SLC25A48: variants seen among roughly 807,000 people sequenced by gnomAD.
SLC25A48 encodes the protein CTC-321K16.1.
Under a neutral mutation model 32.2 loss-of-function variants are expected in SLC25A48, and 29 were observed. The observed-to-expected ratio is 0.90, with a 90% confidence interval of 0.67 to 1.23. The LOEUF is 1.23. Ranked by LOEUF, SLC25A48 falls within the 50% of genes most tolerant of loss-of-function variation. SLC25A48 has a pLI of 0.00. For missense variants in SLC25A48, 399 were observed against 422.7 expected (o/e 0.94, Z 0.49); for synonymous variants, 164 against 172.3 (o/e 0.95, Z 0.38).
chr5:135,767,103 T>TG (rs1296142464), intron 3 of SLC25A48, among the ~76,000 whole-genome samples: 2 of 139,298 alleles, frequency 1.4e-5, no homozygotes, highest in Non-Finnish European at 3.1e-5. Flanking sequence ...CTAATAGCGC[T>TG]GGGGGTGTAC....
intron 3 of SLC25A48, among the ~76,000 whole-genome samples, chr5:135,741,682 A>G (rs1398185789): frequency 1.3e-5 from 2 of 152,184 alleles, no homozygotes; most frequent in African/African-American, 4.8e-5. Context: ...TAGAGGTTGC[A>G]GTGAGTCCTG....
At chr5:135,619,957 G>T (rs1483330762) in intron 1 of SLC25A48, among the ~76,000 whole-genome samples, 1 of 152,164 alleles carries the variant, frequency 6.6e-6, no homozygotes, top group African/African-American at 2.4e-5. Flanking sequence ...GTCCAGGCAG[G>T]CCCATTCTTG....
chr5:135,795,395 G>A (rs562864764), intron 3 of SLC25A48, among the ~76,000 whole-genome samples: 15 of 151,648 alleles, frequency 9.9e-5, no homozygotes, highest in African/African-American at 2.7e-4. Context: ...TCCCAATAAC[G>A]CAGGGGGTGT....
chr5:135,876,343 T>A (rs557676792), intron 6 of SLC25A48: 2 of 152,124 alleles, frequency 1.3e-5, no homozygotes. Flanking sequence ...TGAAAATTAC[T>A]GTGCTCTTTT....
intron 3 of SLC25A48, among the ~76,000 whole-genome samples, chr5:135,758,599 TAAC>T (rs1561478978): frequency 1.3e-5 from 2 of 150,736 alleles, no homozygotes; most frequent in Admixed American, 6.6e-5. Flanking sequence ...TATCTAGTGT[TAAC>T]ACACTATTAT....
intron 3 of SLC25A48, among the ~76,000 whole-genome samples, chr5:135,760,709 T>C (rs887069818): frequency 1.3e-5 from 2 of 152,182 alleles, no homozygotes; most frequent in Non-Finnish European, 2.9e-5. Flanking sequence ...TGTCGGCCAC[T>C]TGGGGCTTTT....
rs189003599 is a variant in SLC25A48 at position 135,641,527 on chromosome 5, G to A, written c.-521+6571G>A. ...TGAAGAACAACATAGGCTCCCAGAG[G>A]GTACTGGAACTCTTGCTTACATAGT... On this transcript the variant is annotated intron_variant, in intron 3 of 10. Coordinates refer to the SLC25A48 transcript ENST00000646290. Among the ~76,000 whole-genome samples, 340 of 152,176 alleles carry A rather than the reference G, an allele frequency of 2.2e-3. 3 individuals carry two copies. The highest frequency in any genetic ancestry group is 7.9e-3 in the African/African-American group (326 of 41,514).
intron 3 of SLC25A48, among the ~76,000 whole-genome samples, chr5:135,643,754 C>T (rs1213966999): frequency 1.3e-5 from 2 of 152,186 alleles, no homozygotes; most frequent in African/African-American, 2.4e-5. Context: ...CCCGTTAACT[C>T]GCACAAGTTC....
chr5:135,785,405 G>C, intron 3 of SLC25A48, among the ~76,000 whole-genome samples: 1 of 151,606 alleles, frequency 6.6e-6, no homozygotes, highest in East Asian at 2.0e-4. Context: ...AATATCCAGT[G>C]GGGGAAAGGG....
At chr5:135,767,770 C>A (rs1319184235) in intron 3 of SLC25A48, among the ~76,000 whole-genome samples, 2 of 151,148 alleles carry the variant, frequency 1.3e-5, no homozygotes, top group Non-Finnish European at 3.0e-5. Flanking sequence ...ATCGTAAACA[C>A]CCTGTGTGTA....
chr5:135,803,160 A>C (rs906814539), intron 3 of SLC25A48: 9 of 151,382 alleles, frequency 5.9e-5, no homozygotes, highest in Non-Finnish European at 1.2e-4. Flanking sequence ...TGTTATTCAT[A>C]ATATTCTAGG....
chr5:135,869,400 G>A (rs113875897), intron 4 of SLC25A48, among the ~76,000 whole-genome samples: 26 of 152,282 alleles, frequency 1.7e-4, no homozygotes, highest in African/African-American at 6.3e-4. Flanking sequence ...TTTCCTTATT[G>A]CTTACTCCGC....
intron 6 of SLC25A48, among the ~76,000 whole-genome samples, chr5:135,878,319 C>T (rs1762201216): frequency 6.6e-6 from 1 of 152,184 alleles, no homozygotes; most frequent in Admixed American, 6.5e-5. Context: ...CCCAGACCCA[C>T]AGGGGAACCT....
At chr5:135,682,989 G>A (rs1328450765) in intron 3 of SLC25A48, among the ~76,000 whole-genome samples, 1 of 152,114 alleles carries the variant, frequency 6.6e-6, no homozygotes, top group Non-Finnish European at 1.5e-5. Flanking sequence ...GGGTAGAAGG[G>A]ATTAATGTCA....
intron 3 of SLC25A48, among the ~76,000 whole-genome samples, chr5:135,766,327 C>T (rs1279329627): frequency 7.0e-6 from 1 of 143,662 alleles, no homozygotes; most frequent in Non-Finnish European, 1.5e-5. Context: ...TGGTGTACAC[C>T]CCCCTGTAAT....
intron 7 of SLC25A48, among the ~76,000 whole-genome samples, chr5:135,882,164 G>T (rs536015340): frequency 6.6e-6 from 1 of 152,370 alleles, no homozygotes; most frequent in South Asian, 2.1e-4. Context: ...CCTTAGGAGG[G>T]AGGACTGCTA....
intron 1 of SLC25A48, among the ~76,000 whole-genome samples, chr5:135,607,811 G>C (rs17168737): frequency 0.41 from 61,972 of 151,948 alleles, 12,922 homozygotes; most frequent in African/African-American, 0.51. Flanking sequence ...TGTAAATCAG[G>C]ACTCACCAAC....
chr5:135,644,591 C>T (rs1048475140), intron 3 of SLC25A48, among the ~76,000 whole-genome samples: 5 of 152,104 alleles, frequency 3.3e-5, no homozygotes, highest in African/African-American at 9.7e-5. Flanking sequence ...CATAGCCCTG[C>T]AAAGCAGATA....
At chr5:135,667,813 T>A (rs1753558508) in intron 3 of SLC25A48, among the ~76,000 whole-genome samples, 1 of 152,228 alleles carries the variant, frequency 6.6e-6, no homozygotes, top group Non-Finnish European at 1.5e-5. Flanking sequence ...AACACCTTCA[T>A]TGTTTCTTTC....
Sources: allele counts gnomAD v4.1 joint callset (sites outside exome capture counted in the v4.1 genomes callset), GRCh38; gene constraint gnomAD v4.1.1; transcripts MANE v1.5; gene names NCBI Gene and HGNC (gene_info 2026-07-23, HGNC 2026-07-21).